Variants in EYS observed in about 807,000 individuals in gnomAD.
EYS encodes EGF-like photoreceptor maintenance factor.
In EYS, 250 loss-of-function variants were observed where a neutral mutation model predicts 282.1. That is an observed-to-expected ratio of 0.89 (90% CI 0.80 to 0.98). The LOEUF is 0.98. Ranked by LOEUF, EYS falls within the 50% of genes least tolerant of loss-of-function variation. The pLI, the probability that EYS is intolerant of heterozygous loss-of-function variation, is 0.00. For synonymous variants in EYS, 1,355 were observed against 1,282.9 expected, an observed-to-expected ratio of 1.06 and a Z score of -1.20; for missense variants, 4,016 against 3,709.0, an observed-to-expected ratio of 1.08 and a Z score of -2.15.
intron 5 of EYS, among the ~76,000 whole-genome samples, chr6:65,459,164 T>A (rs973720072): frequency 1.3e-5 from 2 of 152,070 alleles, no homozygotes; most frequent in Non-Finnish European, 2.9e-5. Flanking sequence ...TTTGCCAAAA[T>A]TAATTGAGCA....
At chr6:65,438,915 A>G (rs1768193360) in intron 5 of EYS, among the ~76,000 whole-genome samples, 1 of 152,160 alleles carries the variant, frequency 6.6e-6, no homozygotes, top group Non-Finnish European at 1.5e-5. Context: ...TGATTTAGAC[A>G]TGAAGTCCTT....
intron 33 of EYS, among the ~76,000 whole-genome samples, chr6:64,002,862 T>C (rs1032546757): frequency 2.8e-4 from 43 of 152,328 alleles, no homozygotes; most frequent in Admixed American, 5.9e-4. Context: ...AAATTGTGTC[T>C]TTTGCTTATT....
intron 30 of EYS, among the ~76,000 whole-genome samples, chr6:64,287,586 A>G (rs888483004): frequency 1.3e-5 from 2 of 152,122 alleles, no homozygotes; most frequent in Non-Finnish European, 2.9e-5. Context: ...AATGTCAACA[A>G]TAGAGCAACA....
At chr6:64,829,717 T>G (rs1163592063) in intron 19 of EYS, among the ~76,000 whole-genome samples, 2 of 151,976 alleles carry the variant, frequency 1.3e-5, no homozygotes, top group Non-Finnish European at 2.9e-5. Flanking sequence ...CGGTATGCAC[T>G]CTATATCAAT....
intron 2 of EYS, among the ~76,000 whole-genome samples, chr6:65,546,953 C>T (rs1768415372): frequency 6.6e-6 from 1 of 152,060 alleles, no homozygotes; most frequent in African/African-American, 2.4e-5. Context: ...TACAACTCTA[C>T]TACTCCTTCA....
intron 35 of EYS, among the ~76,000 whole-genome samples, chr6:63,971,302 TAAA>T (rs946876876): frequency 6.6e-6 from 1 of 152,210 alleles, no homozygotes; most frequent in Non-Finnish European, 1.5e-5. Context: ...ACTAACATGT[TAAA>T]AGATTTTCCA....
At chr6:65,550,143 C>CTTTTTTTTTTT (rs1048251073) in intron 2 of EYS, among the ~76,000 whole-genome samples, 6 of 5,950 alleles carry the variant, frequency 1.0e-3, no homozygotes, top group Non-Finnish European at 1.2e-3. Flanking sequence ...TCTACTATAT[C>CTTTTTTTTTTT]TTTTTTTTTT....
intron 33 of EYS, among the ~76,000 whole-genome samples, chr6:64,019,850 G>A (rs1769095735): frequency 7.0e-6 from 1 of 143,528 alleles, no homozygotes; most frequent in Admixed American, 7.0e-5. Flanking sequence ...GTATATATAA[G>A]TATATATATA....
rs539122344 is a variant in EYS, at chr6:65,144,207, A to G, written c.2024-86480T>C. ...CAGCTTTTTTATAATATCAGCTCAA[A>G]CTTCACATCTTGGCTAAATATCTGT... On this transcript the variant is annotated intron_variant, in intron 12 of 42. Coordinates refer to ENST00000503581, the MANE Select transcript of EYS (RefSeq NM_001142800.2). Among the ~76,000 whole-genome samples, 48 of 152,212 alleles carry G rather than the reference A, an allele frequency of 3.2e-4. 1 individual carries two copies. Among genetic ancestry groups the G allele is most frequent in the African/African-American group, 1.2e-3 (48 of 41,566 alleles).
chr6:63,788,345 A>C, intron 38 of EYS, 96 bp from the exon 39 acceptor site: 1 of 972,302 alleles, frequency 1.0e-6, no homozygotes, highest in Non-Finnish European at 1.5e-6. Context: ...ACTTGGCATG[A>C]AAAATTTACA....
chr6:64,128,136 T>C (rs1386891925), intron 31 of EYS, among the ~76,000 whole-genome samples: 1 of 152,142 alleles, frequency 6.6e-6, no homozygotes, highest in Admixed American at 6.5e-5. Flanking sequence ...TAATAGTAAC[T>C]TCTGATGTGT....
chr6:64,704,324 A>ATTT, intron 22 of EYS, among the ~76,000 whole-genome samples: 1 of 143,942 alleles, frequency 6.9e-6, no homozygotes, highest in African/African-American at 2.5e-5. Context: ...TACTATATAT[A>ATTT]AATATATATA....
At chr6:64,166,006 A>G (rs1764280991) in intron 31 of EYS, among the ~76,000 whole-genome samples, 1 of 152,216 alleles carries the variant, frequency 6.6e-6, no homozygotes, top group Admixed American at 6.5e-5. Flanking sequence ...GTCCTAAAAT[A>G]CCTGCATTAA....
chr6:64,292,651 T>C (rs1027476595), intron 30 of EYS, among the ~76,000 whole-genome samples: 1 of 151,956 alleles, frequency 6.6e-6, no homozygotes, highest in African/African-American at 2.4e-5. Context: ...TTCTGAAATA[T>C]CTGACCTCTT....
At position 64,699,816 on chromosome 6, in the gene EYS, G is replaced by A. The variant is rs1358005275; in HGVS notation, c.3444-73571C>T. 2.6e-5 allele frequency among the ~76,000 whole-genome samples: 4 copies of A among 152,114 alleles called. No individual in the cohort carries two copies. In the East Asian group the frequency reaches 7.8e-4, roughly 30 times the overall value. On this transcript the variant is annotated intron_variant, in intron 22 of 42. Transcript: ENST00000503581. ...CCAGAAACTCTTCAAGAAATTCGAA[G>A]AGAAGGGAATCCTCCATAACCCATT... is the stretch of plus-strand genomic sequence containing the variant.
chr6:64,956,517 C>A (rs187545726), intron 14 of EYS, among the ~76,000 whole-genome samples: 179 of 152,248 alleles, frequency 1.2e-3, no homozygotes, highest in Middle Eastern at 3.4e-3. Context: ...ATCTCCAGGA[C>A]ATTGGTCAAA....
intron 23 of EYS, among the ~76,000 whole-genome samples, chr6:64,621,167 C>A (rs921728351): frequency 6.6e-6 from 1 of 152,004 alleles, no homozygotes; most frequent in African/African-American, 2.4e-5. Context: ...AAGACTAAAC[C>A]AAATCTTTAA....
intron 15 of EYS, among the ~76,000 whole-genome samples, chr6:64,934,471 A>G (rs914256271): frequency 6.6e-6 from 1 of 152,020 alleles, no homozygotes; most frequent in Non-Finnish European, 1.5e-5. Flanking sequence ...CATGATAGTC[A>G]AACTGTAAAA....
In EYS at chr6:65,662,867, A is replaced by C. The variant is rs531107048; in HGVS notation, c.-447-22975T>G. ...GTTATAAAATGTGACGATTTAGATA[A>C]ACTTAACAAAATTTTACCTCTGGTA... On this transcript the variant is annotated intron_variant, in intron 1 of 42. Coordinates refer to ENST00000503581, the MANE Select transcript of EYS (RefSeq NM_001142800.2). 6.4e-4 allele frequency among the ~76,000 whole-genome samples: 97 copies of C among 152,306 alleles called. No individual in the cohort carries two copies. The Middle Eastern group carries it at 0.01, about 16-fold the overall frequency.
Sources: gnomAD v4.1 joint callset for allele counts (sites outside exome capture counted in the v4.1 genomes callset) on GRCh38, gnomAD v4.1.1 for gene constraint, MANE v1.5 for transcripts, NCBI Gene and HGNC (gene_info 2026-07-23, HGNC 2026-07-21) for gene names.